The following TTC28 variants were observed in gnomAD, a reference collection of about 807,000 sequenced individuals.
The protein encoded by TTC28 is tetratricopeptide repeat domain 28.
TTC28 carries 61 observed loss-of-function variants against 198.0 expected under a neutral mutation model. The ratio of observed to expected loss-of-function variants is 0.31; its 90% CI spans 0.25 to 0.38. TTC28 has a LOEUF of 0.38. Among genes scored for constraint, TTC28 ranks in the 10% least tolerant of loss-of-function variants. TTC28 has a pLI of 1.00. For synonymous variants in TTC28, 1,171 were observed against 1,297.8 expected (o/e 0.90, Z 2.10); for missense variants, 2,678 against 3,164.0 (o/e 0.85, Z 3.69).
At chr22:28,532,439 C>G (rs1381530401) in intron 2 of TTC28, among the ~76,000 whole-genome samples, 2 of 152,094 alleles carry the variant, frequency 1.3e-5, no homozygotes, top group Non-Finnish European at 2.9e-5. Flanking sequence ...AAAAAAAGTC[C>G]AGGACCAGAC....
At chr22:28,584,016 G>GTTTTTTTTTTTT (rs67108156) in intron 2 of TTC28, among the ~76,000 whole-genome samples, 1 of 132,994 alleles carries the variant, frequency 7.5e-6, no homozygotes. Flanking sequence ...GTTTTGTTTT[G>GTTTTTTTTTTTT]TTTTTTTTTT....
chr22:28,155,458 C>A (rs1410908559), intron 6 of TTC28, among the ~76,000 whole-genome samples: 1 of 152,080 alleles, frequency 6.6e-6, no homozygotes. Context: ...TACAAGTATA[C>A]AACTACCTAT....
intron 5 of TTC28, among the ~76,000 whole-genome samples, chr22:28,239,558 G>C (rs1929510518): frequency 6.6e-6 from 1 of 152,124 alleles, no homozygotes; most frequent in Admixed American, 6.6e-5. Context: ...AAGCCACTAG[G>C]AAGATTAAAC....
intron 6 of TTC28, among the ~76,000 whole-genome samples, chr22:28,121,677 C>T (rs1338307837): frequency 6.6e-6 from 1 of 152,180 alleles, no homozygotes; most frequent in Non-Finnish European, 1.5e-5. Context: ...ACAGCAAAGG[C>T]TGGTGCACCC....
chr22:28,575,407 G>A (rs2146038198), intron 2 of TTC28, among the ~76,000 whole-genome samples: 1 of 152,030 alleles, frequency 6.6e-6, no homozygotes, highest in Admixed American at 6.6e-5. Context: ...CCAGTACCAT[G>A]CTATTTTGGT....
chr22:28,101,785 A>T (rs1195603984), intron 8 of TTC28, among the ~76,000 whole-genome samples: 12 of 15,480 alleles, frequency 7.8e-4, no homozygotes, highest in Admixed American at 6.2e-3. Flanking sequence ...TCTCTGTTAA[A>T]AAAAAAAAAA....
intron 13 of TTC28, among the ~76,000 whole-genome samples, chr22:28,027,697 G>A (rs1384914246): frequency 6.6e-6 from 1 of 152,264 alleles, no homozygotes; most frequent in East Asian, 1.9e-4. Context: ...GCAATCTGCA[G>A]AAAAGCCACT....
intron 2 of TTC28, among the ~76,000 whole-genome samples, chr22:28,401,783 T>G (rs1365010690): frequency 6.6e-6 from 1 of 152,020 alleles, no homozygotes; most frequent in Non-Finnish European, 1.5e-5. Context: ...AAAAAAAATT[T>G]TTAAATAGAA....
intron 2 of TTC28, among the ~76,000 whole-genome samples, chr22:28,567,221 A>G (rs1330297259): frequency 2.0e-5 from 3 of 146,538 alleles, no homozygotes; most frequent in South Asian, 2.1e-4. Flanking sequence ...ATCTCGGAAA[A>G]AAAAAAAAAA....
intron 5 of TTC28, among the ~76,000 whole-genome samples, chr22:28,248,278 T>C (rs1930254591): frequency 6.6e-6 from 1 of 152,136 alleles, no homozygotes; most frequent in African/African-American, 2.4e-5. Context: ...CCCCTATCTA[T>C]CTCCTTGACA....
intron 5 of TTC28, among the ~76,000 whole-genome samples, chr22:28,258,422 T>C (rs909657346): frequency 1.3e-5 from 2 of 152,196 alleles, no homozygotes; most frequent in African/African-American, 4.8e-5. Flanking sequence ...TATTAGATTA[T>C]TAGACCTACA....
At chr22:28,136,497 T>C (rs2146975862) in intron 6 of TTC28, among the ~76,000 whole-genome samples, 1 of 152,298 alleles carries the variant, frequency 6.6e-6, no homozygotes, top group East Asian at 1.9e-4. Flanking sequence ...ACAGGTAATA[T>C]ATAGTTCATG....
chr22:28,542,929 G>A (rs1374703805), intron 2 of TTC28, among the ~76,000 whole-genome samples: 6 of 152,140 alleles, frequency 3.9e-5, no homozygotes, highest in Non-Finnish European at 5.9e-5. Context: ...AAATCAAAAC[G>A]AATTCAACAA....
chr22:28,101,145 C>A (rs1293569074), intron 9 of TTC28, 26 bp downstream of exon 9: 1 of 1,512,736 alleles, frequency 6.6e-7, no homozygotes, highest in South Asian at 1.2e-5. Context: ...AACAAAAAAT[C>A]CACTTCAGTC....
At chr22:28,073,370 A>G (rs974041678) in intron 12 of TTC28, among the ~76,000 whole-genome samples, 9 of 152,292 alleles carry the variant, frequency 5.9e-5, no homozygotes, top group African/African-American at 1.7e-4. Flanking sequence ...GGATAGATCA[A>G]ATTTCTAAAG....
chr22:28,655,138 T>A (rs1428772684), intron 1 of TTC28, among the ~76,000 whole-genome samples: 1 of 152,226 alleles, frequency 6.6e-6, no homozygotes, highest in East Asian at 1.9e-4. Context: ...GATTTATCAA[T>A]GTCTTCAACT....
At chr22:28,537,733 G>A (rs553999285) in intron 2 of TTC28, among the ~76,000 whole-genome samples, 27 of 152,124 alleles carry the variant, frequency 1.8e-4, no homozygotes, top group Non-Finnish European at 4.0e-4. Flanking sequence ...AGCAAAAGCT[G>A]GTTAACACTC....
At chr22:28,484,524 C>G (rs529493771) in intron 2 of TTC28, among the ~76,000 whole-genome samples, 3 of 152,240 alleles carry the variant, frequency 2.0e-5, no homozygotes. Flanking sequence ...CTCTTCTGAT[C>G]CCTCCCTGGA....
chr22:27,983,233 C>G lies in TTC28; in HGVS notation c.6434G>C (p.Ser2145Thr). The G allele has an allele frequency of 6.4e-7, 1 of 1,551,900 alleles. No homozygotes were observed. Among genetic ancestry groups the G allele is most frequent in the Non-Finnish European group, 8.7e-7 (1 of 1,147,054 alleles). The change falls in exon 23 of 23, where the codon AGT becomes ACT. Residue 2145 changes from serine (S) to threonine (T), a missense_variant. Coordinates refer to ENST00000397906, the MANE Select transcript of TTC28 (RefSeq NM_001145418.2). The stretch of plus-strand genomic sequence containing the variant: ...GCTTTCTTCTTGGGATTTCACGGTA[C>G]TGTCCGTTTCTGTGCTAGACTGGTC... Reference protein sequence around the residue: ...ESDQSSTETDSTVKSQEESNP... With the variant: ...ESDQSSTETDTTVKSQEESNP...
Sources: allele counts gnomAD v4.1 joint callset (sites outside exome capture counted in the v4.1 genomes callset), GRCh38; gene constraint gnomAD v4.1.1; transcripts MANE v1.5; gene names NCBI Gene and HGNC (gene_info 2026-07-23, HGNC 2026-07-21).